NAPRT: variants seen among roughly 807,000 people sequenced by gnomAD.
NAPRT encodes FHA-HIT-interacting protein.
Under a neutral mutation model 60.7 loss-of-function variants are expected in NAPRT, and 66 were observed. The observed-to-expected ratio is 1.09, with a 90% CI of 0.89 to 1.33. The LOEUF is 1.33. Ranked by LOEUF, NAPRT falls within the 40% of genes most tolerant of loss-of-function variation. NAPRT has a pLI of 0.00. For synonymous variants in NAPRT, 405 were observed against 335.7 expected, an observed-to-expected ratio of 1.21 and a Z score of -2.26; for missense variants, 818 against 731.5, an observed-to-expected ratio of 1.12 and a Z score of -1.36.
downstream of NAPRT, chr8:143,573,747 G>A (rs1824222026): frequency 6.7e-6 from 1 of 149,816 alleles, no homozygotes; most frequent in South Asian, 2.1e-4. Flanking sequence ...GGGGGTGCCT[G>A]GGGTGTGGTG....
rs1228645984 is a variant in NAPRT, at chr8:143,577,952, G to A, written c.227-9C>T. 2 of 1,606,866 alleles carry A rather than the reference G, an allele frequency of 1.2e-6. No homozygotes were observed. Among genetic ancestry groups the A allele is most frequent in the Non-Finnish European group, 1.7e-6 (2 of 1,176,072 alleles). ...GGCCAGGAACTGCACGTCTGGAAAC[G>A]AGGTAACTGCGCTGAGACCAGCGCG... On this transcript the variant is annotated splice_polypyrimidine_tract_variant and intron_variant, in intron 1 of 12. Coordinates refer to ENST00000449291, the MANE Select transcript of NAPRT (RefSeq NM_145201.6).
chr8:143,575,904 T>C (rs1449363463), intron 8 of NAPRT, among the ~76,000 whole-genome samples, 174 bp downstream of exon 8: 2 of 22,364 alleles, frequency 8.9e-5, no homozygotes, highest in East Asian at 1.3e-3. Flanking sequence ...GTGCCCTGGG[T>C]GGGGAAGGGG....
rs1824484851 is a variant in NAPRT, at chr8:143,576,670, A to T, written c.857T>A (p.Leu286His). The change falls in exon 6 of 13, where the codon CTC becomes CAC. Residue 286 changes from leucine to histidine, a missense_variant. Coordinates refer to ENST00000449291, the MANE Select transcript of NAPRT (RefSeq NM_145201.6). Reference protein sequence around the residue: ...ALAFPRAFQGLLDTYSVWRSG... With the variant: ...ALAFPRAFQGHLDTYSVWRSG... ...CCTCCACACGCTGTAGGTGTCCAGG[A>T]GGCCCTGGAAGGCCCGGGGAAAAGC... 6.2e-7 allele frequency: 1 copy of T among 1,611,090 alleles called. No homozygotes were observed. The highest frequency in any genetic ancestry group is 8.5e-7 in the Non-Finnish European group (1 of 1,179,324).
chr8:143,577,698 C>T lies in NAPRT; in HGVS notation c.396G>A (p.Gln132=), dbSNP rs1200252198. ...GGCAGAGCAGCGGTGTCTCCAGCAGCTGCACCACCAGGAGCGGCCCGGACA... is the reference window on the plus strand; with the variant it reads ...GGCAGAGCAGCGGTGTCTCCAGCAGTTGCACCACCAGGAGCGGCCCGGACA... ...LQVSGPLLVV[Q]LLETPLLCLV... Residue 132 remains glutamine (Q), a synonymous_variant, in exon 3 of 13, where the codon CAG becomes CAA. Coordinates refer to ENST00000449291, the MANE Select transcript of NAPRT (RefSeq NM_145201.6). 1 of 1,543,558 alleles carries T rather than the reference C, an allele frequency of 6.5e-7. No homozygotes were observed. Among genetic ancestry groups the T allele is most frequent in the Admixed American group, 1.9e-5 (1 of 51,302 alleles).
Position 143,577,053 on chromosome 8 carries a change from G to A in NAPRT, c.684+9C>T, listed in dbSNP as rs1424971342. On this transcript the variant is annotated intron_variant, in intron 5 of 12. Coordinates refer to ENST00000449291, the MANE Select transcript of NAPRT (RefSeq NM_145201.6). ...CCTGGAGACAGCAGGGTTTAGAGGA[G>A]GGACTGACCGGGTCAGGGGGCACCT... The A allele has an allele frequency of 3.4e-5, 54 of 1,611,264 alleles. No individual in the cohort carries two copies. Among genetic ancestry groups the A allele is most frequent in the Non-Finnish European group, 4.6e-5 (54 of 1,178,614 alleles).
In NAPRT at chr8:143,575,532, G is replaced by C. The variant is rs779967488; in HGVS notation, c.1189-7C>G. On this transcript the variant is annotated splice_polypyrimidine_tract_variant and splice_region_variant and intron_variant, in intron 9 of 12. Coordinates refer to ENST00000449291, the MANE Select transcript of NAPRT (RefSeq NM_145201.6). ...GGCCCCCCACGGCCACCAGCTGCAG[G>C]AAGAGGGCGTTGAGCTGGCTGGTCC... is the stretch of plus-strand genomic sequence containing the variant. 1.3e-6 allele frequency: 2 copies of C among 1,598,906 alleles called. No homozygotes were observed. The highest frequency in any genetic ancestry group is 3.4e-4 in the Middle Eastern group (2 of 5,948).
In NAPRT at chr8:143,577,876, G is replaced by A. The variant is rs896954; in HGVS notation, c.294C>T (p.Ala98=). 0.17 allele frequency: 275,584 copies of A among 1,611,946 alleles called. 24,848 individuals carry two copies. Among genetic ancestry groups the A allele is most frequent in the Middle Eastern group, 0.24 (1,438 of 6,056 alleles). ...TDPAFFEHLR[A]LDCSEVTVRA... ...GCACCGTCACCTCGGAGCAGTCGAGGGCCCGAAGGTGCTCGAAGAACGCAG... is the reference window on the plus strand; with the variant it reads ...GCACCGTCACCTCGGAGCAGTCGAGAGCCCGAAGGTGCTCGAAGAACGCAG... Residue 98 remains alanine, a synonymous_variant, in exon 2 of 13, where the codon GCC becomes GCT. Coordinates refer to ENST00000449291, the MANE Select transcript of NAPRT (RefSeq NM_145201.6).
downstream of NAPRT, among the ~76,000 whole-genome samples, chr8:143,573,293 G>C (rs748834876): frequency 6.6e-6 from 1 of 152,212 alleles, no homozygotes; most frequent in Non-Finnish European, 1.5e-5. Context: ...TGTGGAGGGG[G>C]CAGTGAAGAC....
chr8:143,574,936 T>C, intron 12 of NAPRT, 36 bp from the exon 13 acceptor site: 1 of 1,550,164 alleles, frequency 6.5e-7, no homozygotes, highest in Non-Finnish European at 8.7e-7. Flanking sequence ...GTGGGCAGGG[T>C]GAGGGCGGGG....
Position 143,576,685 on chromosome 8 carries a change from C to CG in NAPRT, c.841dup (p.Arg281ProfsTer43). The CG allele has an allele frequency of 6.2e-7, 1 of 1,611,154 alleles. No homozygotes were observed. Among genetic ancestry groups the CG allele is most frequent in the Non-Finnish European group, 8.5e-7 (1 of 1,179,430 alleles). ...GGTGTCCAGGAGGCCCTGGAAGGCC[C>CG]GGGGAAAAGCCAAGGCATAGGCCAC... is the stretch of plus-strand genomic sequence containing the variant. On this transcript the variant is annotated frameshift_variant, in exon 6 of 13. Transcript: ENST00000449291. LOFTEE classifies it high-confidence loss of function.
downstream of NAPRT, chr8:143,573,760 TTCTGTCCAATGTGTGTGAG>T (rs1824223504): frequency 6.6e-6 from 1 of 152,340 alleles, no homozygotes; most frequent in Non-Finnish European, 1.5e-5. Flanking sequence ...GTGTGGTGTG[TTCTGTCCAATGTGTGTGAG>T]TCTGTATCTC....
In NAPRT at chr8:143,574,853, C is replaced by T. The variant is rs1257735713; in HGVS notation, c.1602G>A (p.Ala534=). The change falls in exon 13 of 13, where the codon GCG becomes GCA. Residue 534 remains alanine, a synonymous_variant. Coordinates refer to ENST00000449291, the MANE Select transcript of NAPRT (RefSeq NM_145201.6). ...RLQALVNSLC[A]GQSP ...GCTCCGAGTCTCAGGGGGACTGCCCCGCACACAGACTGTTCACCAGGGCCT... is the reference window on the plus strand; with the variant it reads ...GCTCCGAGTCTCAGGGGGACTGCCCTGCACACAGACTGTTCACCAGGGCCT... 1.8e-5 allele frequency: 28 copies of T among 1,550,512 alleles called. No homozygotes were observed. The Middle Eastern group carries it at 5.0e-4, about 28-fold the overall frequency.
In NAPRT at chr8:143,575,068, G is replaced by A. The variant is rs755894718; in HGVS notation, c.1472C>T (p.Ala491Val). ...GQLCEPLPSL[A>V]ESRALAQLSL... ...CAGCTGGGCCAAGGCTCTAGACTCT[G>A]CCAGGGATGGGAGCGGCTCACACAG... is the stretch of plus-strand genomic sequence containing the variant. The change falls in exon 12 of 13, where the codon GCA (alanine) becomes GTA (valine). Residue 491 changes from alanine (A) to valine (V), a missense_variant. Coordinates refer to ENST00000449291, the MANE Select transcript of NAPRT (RefSeq NM_145201.6). 8.6e-6 allele frequency: 13 copies of A among 1,508,776 alleles called. No homozygotes were observed. The highest frequency in any genetic ancestry group is 1.2e-5 in the Non-Finnish European group (13 of 1,123,676). 93.5% of individuals were successfully genotyped at this position (1,508,776 alleles called of 1,614,324 possible). A position where few individuals can be genotyped will look rare whatever the true frequency, so the allele number is the denominator to read the frequency against.
rs372452013 is a variant in NAPRT, at chr8:143,577,965, T to G, written c.227-22A>C. 4 of 1,600,028 alleles carry G rather than the reference T, an allele frequency of 2.5e-6. No homozygotes were observed. The African/African-American group carries it at 5.4e-5, about 22-fold the overall frequency. ...ACGTCTGGAAACGAGGTAACTGCGC[T>G]GAGACCAGCGCGGGGACAGACCGGT... is the stretch of plus-strand genomic sequence containing the variant. On this transcript the variant is annotated intron_variant, in intron 1 of 12. Coordinates refer to ENST00000449291, the MANE Select transcript of NAPRT (RefSeq NM_145201.6).
In NAPRT at chr8:143,578,081, A is replaced by C; in HGVS notation, c.226+12T>G. 7.3e-6 allele frequency: 11 copies of C among 1,506,814 alleles called. No homozygotes were observed. The highest frequency in any genetic ancestry group is 9.7e-6 in the Non-Finnish European group (11 of 1,135,092). 93.3% of individuals were successfully genotyped at this position (1,506,814 alleles called of 1,614,324 possible). ...CGGGCGTGGGGGGCTCGTCGCGCGGACGGGGGACTACCGGCGTCCCGCAGG... is the reference window on the plus strand; with the variant it reads ...CGGGCGTGGGGGGCTCGTCGCGCGGCCGGGGGACTACCGGCGTCCCGCAGG... On this transcript the variant is annotated intron_variant, in intron 1 of 12. Transcript: ENST00000449291.
intron 1 of NAPRT, 58 bp downstream of exon 1, chr8:143,578,035 G>T (rs1824628855): frequency 1.3e-6 from 2 of 1,507,274 alleles, no homozygotes; most frequent in Admixed American, 2.0e-5. Context: ...ACTTCCACCG[G>T]CCATAGGTGG....
At position 143,576,286 on chromosome 8, in the gene NAPRT, T is replaced by C. The variant is rs548898348; in HGVS notation, c.1023-124A>G. ...CTGTGCTCACCTTCTGCTTGGGAGC[T>C]CCTAGGGAGCCCCACCACTTACTTC... On this transcript the variant is annotated intron_variant, in intron 7 of 12. Coordinates refer to ENST00000449291, the MANE Select transcript of NAPRT (RefSeq NM_145201.6). 8.0e-6 allele frequency: 11 copies of C among 1,370,050 alleles called. No homozygotes were observed. In the African/African-American group the frequency reaches 1.3e-4, roughly 16 times the overall value. The allele number at this position is 1,370,050 out of a possible 1,614,324, so 84.9% of individuals were successfully genotyped here. A position where few individuals can be genotyped will look rare whatever the true frequency, so the allele number is the denominator to read the frequency against.
chr8:143,578,030 C>A, intron 1 of NAPRT, 63 bp downstream of exon 1: 1 of 1,524,630 alleles, frequency 6.6e-7, no homozygotes. Flanking sequence ...CAAGGACTTC[C>A]ACCGGCCATA....
chr8:143,576,540 AG>A lies in NAPRT; in HGVS notation c.913del (p.Leu305TrpfsTer13). 6.2e-7 allele frequency: 1 copy of A among 1,612,012 alleles called. No homozygotes were observed. The highest frequency in any genetic ancestry group is 8.5e-7 in the Non-Finnish European group (1 of 1,179,580). ...CCGGTAGCCCAGCTCTCCCAGGGCC[AG>A]GGCGACTGCTAGGAAGTTGGGGAGA... is the stretch of plus-strand genomic sequence containing the variant. ...SGLPNFLAVA[L>X]ALGELGYRAV... On this transcript the variant is annotated frameshift_variant, in exon 7 of 13. Transcript: ENST00000449291. LOFTEE classifies it high-confidence loss of function.
Sources: allele counts gnomAD v4.1 joint callset (sites outside exome capture counted in the v4.1 genomes callset), GRCh38; gene constraint gnomAD v4.1.1; transcripts MANE v1.5; gene names NCBI Gene and HGNC (gene_info 2026-07-23, HGNC 2026-07-21).